The following LAMB3 variants were observed in gnomAD, a reference collection of about 807,000 sequenced individuals.
LAMB3 encodes the protein laminin subunit beta 3.
A neutral mutation model predicts 140.3 loss-of-function variants in LAMB3; 104 were observed. That is an observed-to-expected ratio of 0.74 (90% CI 0.63 to 0.87). LAMB3 has a LOEUF of 0.87. Among genes scored for constraint, LAMB3 ranks in the 40% least tolerant of loss-of-function variants. The pLI is 0.00. For missense variants in LAMB3, 1,531 were observed against 1,575.2 expected, an observed-to-expected ratio of 0.97 and a Z score of 0.47; for synonymous variants, 592 against 602.9, an observed-to-expected ratio of 0.98 and a Z score of 0.26.
chr1:209,633,796 G>A (rs2102436841), intron 6 of LAMB3, among the ~76,000 whole-genome samples: 1 of 152,324 alleles, frequency 6.6e-6, no homozygotes, highest in Admixed American at 6.5e-5. Flanking sequence ...GGGCTCACCT[G>A]TGTCTCAGCC....
chr1:209,642,908 A>T (rs1291749693), intron 3 of LAMB3, among the ~76,000 whole-genome samples: 4 of 152,218 alleles, frequency 2.6e-5, no homozygotes, highest in Non-Finnish European at 2.9e-5. Flanking sequence ...CTTCATGGGG[A>T]TAATCTGGGG....
Position 209,630,563 on chromosome 1 carries a change from G to C in LAMB3, c.943+52C>G, listed in dbSNP as rs34311919. On this transcript the variant is annotated intron_variant, in intron 9 of 22. Coordinates refer to ENST00000356082, the MANE Select transcript of LAMB3 (RefSeq NM_000228.3). ...AGGTGAGATCATCAAGGCCTAGAGG[G>C]GCCAGCACTCGACCCAGACCCTACA... 0.064 allele frequency: 103,163 copies of C among 1,608,520 alleles called. 3,753 individuals are homozygous for C. The highest frequency in any genetic ancestry group is 0.075 in the Non-Finnish European group (88,632 of 1,175,382).
At chr1:209,624,320 G>A (rs2076348) in intron 14 of LAMB3, among the ~76,000 whole-genome samples, 4,812 of 152,082 alleles carry the variant, frequency 0.032, 278 homozygotes, top group East Asian at 0.27. Flanking sequence ...CTCCTCCTTC[G>A]CTCTCTATGG....
At position 209,633,159 on chromosome 1, in the gene LAMB3, G is replaced by A. The variant is rs756790250; in HGVS notation, c.565-26C>T. On this transcript the variant is annotated intron_variant, in intron 6 of 22. Transcript: ENST00000356082. ...CTACAGAGGGAAGGGAAAGAGAAGC[G>A]CTGAAGAAGAGACAAATAGTGTGCC... 106 of 1,557,008 alleles carry A rather than the reference G, an allele frequency of 6.8e-5. 1 individual carries two copies. The highest frequency in any genetic ancestry group is 3.3e-4 in the Middle Eastern group (2 of 5,978).
intron 8 of LAMB3, among the ~76,000 whole-genome samples, chr1:209,631,133 C>T (rs1666674019): frequency 6.6e-6 from 1 of 152,190 alleles, no homozygotes; most frequent in Non-Finnish European, 1.5e-5. Flanking sequence ...TCTATGAATA[C>T]AGTTGTTTGG....
At chr1:209,631,117 C>G (rs1204724348) in intron 8 of LAMB3, among the ~76,000 whole-genome samples, 1 of 152,194 alleles carries the variant, frequency 6.6e-6, no homozygotes, top group Non-Finnish European at 1.5e-5. Flanking sequence ...ATTTCTATTC[C>G]AACAATCTAT....
rs1297080262 is a variant in LAMB3 at position 209,632,722 on chromosome 1, G to A, written c.683C>T (p.Pro228Leu). ...RVNFTRLAPV[P>L]QRGYHPPSAY... ...GCTGGGAGGGTGGTAGCCCCTTTGG[G>A]GCACAGGGGCCAGCCTGGTGAAATT... Residue 228 changes from proline to leucine, a missense_variant, in exon 8 of 23, where the codon CCC becomes CTC. Pro to Leu is a moderately conservative substitution (Grantham distance 98). Transcript: ENST00000356082. The A allele has an allele frequency of 3.1e-6, 5 of 1,614,074 alleles. No homozygotes were observed. The highest frequency in any genetic ancestry group is 4.2e-6 in the Non-Finnish European group (5 of 1,180,028).
intron 3 of LAMB3, among the ~76,000 whole-genome samples, chr1:209,639,937 C>T (rs991851847): frequency 7.9e-5 from 12 of 152,166 alleles, no homozygotes; most frequent in African/African-American, 2.7e-4. Flanking sequence ...AACAAAGAAC[C>T]GACCCAAAGA....
At chr1:209,651,984 G>A (rs1277929054) in intron 1 of LAMB3, among the ~76,000 whole-genome samples, 4 of 152,074 alleles carry the variant, frequency 2.6e-5, no homozygotes, top group African/African-American at 9.7e-5. Flanking sequence ...GGCCCAGGGA[G>A]GGAACATGTG....
chr1:209,637,966 G>C lies in LAMB3; in HGVS notation c.314C>G (p.Ser105Cys), dbSNP rs768605252. 2 of 1,613,026 alleles carry C rather than the reference G, an allele frequency of 1.2e-6. No individual in the cohort carries two copies. Among genetic ancestry groups the C allele is most frequent in the Non-Finnish European group, 1.7e-6 (2 of 1,179,616 alleles). The change falls in exon 5 of 23, where the codon TCT (serine) becomes TGT (cysteine). Residue 105 changes from serine to cysteine, a missense_variant. Transcript: ENST00000356082. ...WQSQNDVNPVSLQLDLDRRFQ... is the reference protein window; with the variant it reads ...WQSQNDVNPVCLQLDLDRRFQ... ...TCTCCTGTCCAGGTCCAGCTGCAGA[G>C]AGACAGGGTTCACATCTGGAAGGAC...
chr1:209,650,758 T>C (rs574575530), intron 2 of LAMB3, among the ~76,000 whole-genome samples, 159 bp downstream of exon 2: 92 of 152,348 alleles, frequency 6.0e-4, no homozygotes, highest in African/African-American at 2.1e-3. Context: ...CCCAAAGGAA[T>C]GGGGAAATCT....
Position 209,618,018 on chromosome 1 carries a change from C to A in LAMB3, c.2940G>T (p.Val980=), listed in dbSNP as rs757023222. ...RSRAHAVEGQ[V]EDVVGNLRQG... ...GCCGCAGGTTCCCAACCACATCTTC[C>A]ACCTGGCCCTCCACTGCATGGGCTC... The change falls in exon 20 of 23, where the codon GTG becomes GTT. Residue 980 remains valine, a synonymous_variant. Coordinates refer to ENST00000356082, the MANE Select transcript of LAMB3 (RefSeq NM_000228.3). 1 of 1,614,184 alleles carries A rather than the reference C, an allele frequency of 6.2e-7. No homozygotes were observed. Among genetic ancestry groups the A allele is most frequent in the South Asian group, 1.1e-5 (1 of 91,078 alleles).
intron 18 of LAMB3, among the ~76,000 whole-genome samples, chr1:209,621,106 G>C (rs1254973471): frequency 6.6e-6 from 1 of 152,230 alleles, no homozygotes; most frequent in South Asian, 2.1e-4. Context: ...GCAGCTCCCT[G>C]TCTGTTCACA....
intron 3 of LAMB3, among the ~76,000 whole-genome samples, chr1:209,647,755 T>C (rs2076530873): frequency 6.6e-6 from 1 of 152,112 alleles, no homozygotes; most frequent in African/African-American, 2.4e-5. Flanking sequence ...ATACACGATA[T>C]GTTTCTCTCG....
Position 209,615,140 on chromosome 1 carries a change from C to T in LAMB3, c.*131G>A. On this transcript the variant is annotated 3_prime_UTR_variant, in exon 23 of 23. Coordinates refer to ENST00000356082, the MANE Select transcript of LAMB3 (RefSeq NM_000228.3). ...CAGGGTAATCTTACTAGCTACACACCAGGGGTGGTCCAGGCTGTACTTTAG... is the reference window on the plus strand; with the variant it reads ...CAGGGTAATCTTACTAGCTACACACTAGGGGTGGTCCAGGCTGTACTTTAG... 8.8e-7 allele frequency: 1 copy of T among 1,141,362 alleles called. No homozygotes were observed. The highest frequency in any genetic ancestry group is 1.8e-5 in the Admixed American group (1 of 54,128). 70.7% of individuals were successfully genotyped at this position (1,141,362 alleles called of 1,614,324 possible).
Position 209,623,770 on chromosome 1 carries a change from G to T in LAMB3, c.2138-45C>A. The T allele has an allele frequency of 6.2e-7, 1 of 1,613,484 alleles. No individual in the cohort carries two copies. Among genetic ancestry groups the T allele is most frequent in the Non-Finnish European group, 8.5e-7 (1 of 1,179,568 alleles). The stretch of plus-strand genomic sequence containing the variant: ...GAATGGAGATGGAGGAGGAGCAGGA[G>T]GGAGAGGGGGTGGCATGCCCACCAC... On this transcript the variant is annotated intron_variant, in intron 15 of 22. Coordinates refer to ENST00000356082, the MANE Select transcript of LAMB3 (RefSeq NM_000228.3). This position sits in a 1 kb window ranked among gnomAD's most constrained non-coding sequence, Gnocchi z 4.2.
rs763906242 is a variant in LAMB3, at chr1:209,623,582, C to G, written c.2281G>C (p.Gly761Arg). ...RLVRQAGGGG[G>R]TGSPKLVALR... ...GCCACAAGCTTGGGGCTGCCGGTGC[C>G]TCCTCCTCCTCCCGCCTGCCGCACC... The change falls in exon 16 of 23, where the codon GGC becomes CGC. Residue 761 changes from glycine (G) to arginine (R), a missense_variant. Gly to Arg is a moderately radical substitution (Grantham distance 125, BLOSUM62 -2). Transcript: ENST00000356082. This position sits in a 1 kb window ranked among gnomAD's most constrained non-coding sequence, Gnocchi z 4.2. 6.2e-7 allele frequency: 1 copy of G among 1,613,634 alleles called. No individual in the cohort carries two copies. The highest frequency in any genetic ancestry group is 8.5e-7 in the Non-Finnish European group (1 of 1,179,600).
In LAMB3 at chr1:209,623,942, G is replaced by C. The variant is rs773311125; in HGVS notation, c.2035C>G (p.Pro679Ala). The C allele has an allele frequency of 1.4e-5, 23 of 1,614,020 alleles. No individual in the cohort carries two copies. The highest frequency in any genetic ancestry group is 1.3e-4 in the Admixed American group (8 of 60,012). Residue 679 changes from proline (P) to alanine (A), a missense_variant, in exon 15 of 23, where the codon CCG becomes GCG. Pro to Ala is a conservative substitution (Grantham distance 27). Transcript: ENST00000356082. This position sits in a 1 kb window ranked among gnomAD's most constrained non-coding sequence, Gnocchi z 4.2. ...LPLEEETLSL[P>A]RDLESLDRSF... ...CTGTCAAGACTCTCCAGGTCTCTCGGAAGGGACAACGTCTCCTCCTCCAGG... is the reference window on the plus strand; with the variant it reads ...CTGTCAAGACTCTCCAGGTCTCTCGCAAGGGACAACGTCTCCTCCTCCAGG...
chr1:209,622,435 C>G, intron 18 of LAMB3, 101 bp downstream of exon 18: 1 of 1,419,340 alleles, frequency 7.0e-7, no homozygotes, highest in Non-Finnish European at 9.8e-7. Flanking sequence ...ATGTTGCAGG[C>G]CTGGGACTAG....
Sources: gnomAD v4.1 joint callset for allele counts (sites outside exome capture counted in the v4.1 genomes callset) on GRCh38, gnomAD v4.1.1 for gene constraint, Gnocchi (gnomAD v3.1) non-coding constraint, MANE v1.5 for transcripts, NCBI Gene and HGNC (gene_info 2026-07-23, HGNC 2026-07-21) for gene names.